TRIM2: variants seen among roughly 807,000 people sequenced by gnomAD.
The protein encoded by TRIM2 is tripartite motif-containing protein 2.
TRIM2 carries 20 observed loss-of-function variants against 75.2 expected under a neutral mutation model. The ratio of observed to expected loss-of-function variants is 0.27; its 90% CI spans 0.19 to 0.39. The LOEUF (loss-of-function observed/expected upper bound fraction) is 0.39. Ranked by LOEUF, TRIM2 falls within the 10% of genes least tolerant of loss-of-function variation. The probability of loss-of-function intolerance (pLI) is 1.00; values close to 1 mark genes in which losing one functional copy is unlikely to be tolerated. For missense variants in TRIM2, 660 were observed against 990.8 expected, an observed-to-expected ratio of 0.67 and a Z score of 4.48; for synonymous variants, 373 against 388.3, an observed-to-expected ratio of 0.96 and a Z score of 0.46.
intron 3 of TRIM2, among the ~76,000 whole-genome samples, chr4:153,288,651 C>A (rs1416560202): frequency 6.6e-6 from 1 of 152,116 alleles, no homozygotes; most frequent in Non-Finnish European, 1.5e-5. Context: ...AAGTTTCCAG[C>A]CATTACTTTT....
intron 1 of TRIM2, among the ~76,000 whole-genome samples, chr4:153,185,503 G>C (rs931164280): frequency 1.3e-5 from 2 of 152,030 alleles, no homozygotes; most frequent in African/African-American, 4.8e-5. Flanking sequence ...CCACAGCAGG[G>C]ACTGCCAATC....
At chr4:153,308,216 G>A (rs376952839) in intron 6 of TRIM2, 4 of 1,474,094 alleles carry the variant, frequency 2.7e-6, no homozygotes, top group Non-Finnish European at 3.8e-6. Flanking sequence ...CAATGACAGA[G>A]CCATCCTCTG....
intron 1 of TRIM2, among the ~76,000 whole-genome samples, chr4:153,177,170 G>A (rs1248476080): frequency 6.6e-6 from 1 of 152,240 alleles, no homozygotes. Flanking sequence ...GAAGGGAAAG[G>A]CTTGAAGAAA....
At chr4:153,182,855 G>A (rs1732208425) in intron 1 of TRIM2, among the ~76,000 whole-genome samples, 1 of 152,100 alleles carries the variant, frequency 6.6e-6, no homozygotes, top group Non-Finnish European at 1.5e-5. Context: ...TGTCTAAGAT[G>A]CTCTACCCAC....
At chr4:153,163,493 A>ATATTTTTTTTTTTTTTTTTTTTT (rs1390228832) in intron 1 of TRIM2, among the ~76,000 whole-genome samples, 4 of 80,882 alleles carry the variant, frequency 4.9e-5, no homozygotes, top group Non-Finnish European at 2.6e-5. Context: ...CTAGATTTAC[A>ATATTTTTTTTTTTTTTTTTTTTT]TCTTTTTTTT....
intron 3 of TRIM2, among the ~76,000 whole-genome samples, chr4:153,281,475 T>G (rs1393590861): frequency 6.6e-6 from 1 of 152,260 alleles, no homozygotes; most frequent in African/African-American, 2.4e-5. Flanking sequence ...ATTGTAGAAG[T>G]TCACTGCTGC....
Position 153,270,345 on chromosome 4 carries a change from C to T in TRIM2, c.41C>T (p.Ala14Val). The T allele has an allele frequency of 6.2e-7, 1 of 1,611,402 alleles. No individual in the cohort carries two copies. The highest frequency in any genetic ancestry group is 8.5e-7 in the Non-Finnish European group (1 of 1,178,786). The change falls in exon 2 of 12, where the codon GCA becomes GTA. Residue 14 changes from alanine to valine, a missense_variant. Coordinates refer to ENST00000338700, the MANE Select transcript of TRIM2 (RefSeq NM_015271.5). ...TTTTCTGTCTGACAGCAGCAGCGTGCAGGGTCAAAGACAGCCGGCCCCCCA... is the reference window on the plus strand; with the variant it reads ...TTTTCTGTCTGACAGCAGCAGCGTGTAGGGTCAAAGACAGCCGGCCCCCCA... ...SGRYGTQQQR[A>V]GSKTAGPPCQ...
At chr4:153,272,162 A>G (rs1756856078) in intron 2 of TRIM2, among the ~76,000 whole-genome samples, 2 of 151,384 alleles carry the variant, frequency 1.3e-5, no homozygotes, top group South Asian at 4.2e-4. Context: ...TTTATTTTTA[A>G]TTTTGAGATG....
chr4:153,240,632 A>ATT, intron 1 of TRIM2, among the ~76,000 whole-genome samples: 1 of 152,246 alleles, frequency 6.6e-6, no homozygotes, highest in African/African-American at 2.4e-5. Context: ...AGAATACATG[A>ATT]AAAAGCAAGA....
Position 153,335,668 on chromosome 4 carries a change from G to C in TRIM2, c.*702G>C. 1.0e-6 allele frequency: 1 copy of C among 985,328 alleles called. No homozygotes were observed. Among genetic ancestry groups the C allele is most frequent in the Non-Finnish European group, 1.2e-6 (1 of 829,916 alleles). 61.0% of individuals were successfully genotyped at this position (985,328 alleles called of 1,614,324 possible). A position where few individuals can be genotyped will look rare whatever the true frequency, so the allele number is the denominator to read the frequency against. ...TATCAGCAAACAAAGTACTTCTTCAGGGAAACCTGAAATTTCTAATGCCTT... is the reference window on the plus strand; with the variant it reads ...TATCAGCAAACAAAGTACTTCTTCACGGAAACCTGAAATTTCTAATGCCTT... On this transcript the variant is annotated 3_prime_UTR_variant, in exon 12 of 12. Transcript: ENST00000338700.
chr4:153,332,937 T>G (rs1273164675), intron 11 of TRIM2, among the ~76,000 whole-genome samples: 1 of 152,210 alleles, frequency 6.6e-6, no homozygotes, highest in Non-Finnish European at 1.5e-5. Context: ...AAACATATAC[T>G]TACCATACAA....
chr4:153,251,663 A>T (rs1477810736), intron 1 of TRIM2, among the ~76,000 whole-genome samples: 1 of 152,150 alleles, frequency 6.6e-6, no homozygotes, highest in Non-Finnish European at 1.5e-5. Context: ...GAGAACATTC[A>T]AAATTCTCTC....
At chr4:153,214,439 T>G (rs1737944777) in intron 1 of TRIM2, among the ~76,000 whole-genome samples, 1 of 152,230 alleles carries the variant, frequency 6.6e-6, no homozygotes, top group Non-Finnish European at 1.5e-5. Context: ...TCTAATATGC[T>G]GAAGACAGTA....
chr4:153,171,840 CTT>C (rs398064151), intron 1 of TRIM2, among the ~76,000 whole-genome samples: 1 of 114,760 alleles, frequency 8.7e-6, no homozygotes, highest in Non-Finnish European at 1.8e-5. Context: ...CGTTTTGGGG[CTT>C]TTTTTTTTTT....
At chr4:153,221,184 T>C (rs1739873325) in intron 1 of TRIM2, among the ~76,000 whole-genome samples, 1 of 152,222 alleles carries the variant, frequency 6.6e-6, no homozygotes, top group Admixed American at 6.5e-5. Flanking sequence ...TACTGACACA[T>C]GCTACGTGGA....
At chr4:153,208,976 A>G (rs997085231) in intron 1 of TRIM2, among the ~76,000 whole-genome samples, 4 of 152,206 alleles carry the variant, frequency 2.6e-5, no homozygotes, top group African/African-American at 9.6e-5. Context: ...CGTTCAGAAG[A>G]TCCAGCATCA....
intron 1 of TRIM2, among the ~76,000 whole-genome samples, chr4:153,246,547 T>A (rs955056117): frequency 2.0e-5 from 3 of 152,250 alleles, no homozygotes; most frequent in African/African-American, 7.2e-5. Context: ...GTTATGAGAA[T>A]GTGTACATTC....
intron 1 of TRIM2, among the ~76,000 whole-genome samples, chr4:153,180,741 G>C (rs145454948): frequency 2.0e-5 from 3 of 152,214 alleles, no homozygotes; most frequent in African/African-American, 7.2e-5. Context: ...GCCTCCCGAA[G>C]TGCTGGGATT....
chr4:153,270,841 C>A (rs1756498406), intron 2 of TRIM2, among the ~76,000 whole-genome samples: 1 of 152,182 alleles, frequency 6.6e-6, no homozygotes, highest in African/African-American at 2.4e-5. Flanking sequence ...CAGATCCCTA[C>A]AGAGGGTCTT....
Sources: allele counts gnomAD v4.1 joint callset (sites outside exome capture counted in the v4.1 genomes callset), GRCh38; gene constraint gnomAD v4.1.1; transcripts MANE v1.5; gene names NCBI Gene and HGNC (gene_info 2026-07-23, HGNC 2026-07-21).